DMD: variants seen among roughly 807,000 people sequenced by gnomAD.
DMD encodes mutant dystrophin.
Under a neutral mutation model 330.1 loss-of-function variants are expected in DMD, and 63 were observed. The ratio of observed to expected loss-of-function variants is 0.19; its 90% CI spans 0.16 to 0.24. The LOEUF (loss-of-function observed/expected upper bound fraction) is 0.24. Among genes scored for constraint, DMD ranks in the 10% least tolerant of loss-of-function variants. DMD has a pLI of 1.00. For synonymous variants in DMD, 1,223 were observed against 959.8 expected (o/e 1.27, Z -5.07); for missense variants, 3,344 against 2,684.1 (o/e 1.25, Z -5.43).
intron 44 of DMD, among the ~76,000 whole-genome samples, chrX:32,003,749 T>C (rs1015631805): frequency 1.8e-5 from 2 of 111,211 alleles, no homozygotes; most frequent in Admixed American, 1.9e-4. Flanking sequence ...TCCCCTAACA[T>C]AGTTGATAAA....
chrX:32,652,860 T>C (rs2060266248), intron 9 of DMD, among the ~76,000 whole-genome samples: 1 of 111,949 alleles, frequency 8.9e-6, no homozygotes, highest in African/African-American at 3.3e-5. Context: ...CCATTCTAAC[T>C]ATGTGCAATG....
intron 42 of DMD, among the ~76,000 whole-genome samples, chrX:32,299,196 C>T (rs970749494): frequency 9.1e-6 from 1 of 110,367 alleles, no homozygotes; most frequent in Non-Finnish European, 1.9e-5. Flanking sequence ...ATCGGTCCAG[C>T]TATGCTGAAC....
At chrX:32,827,709 G>A (rs2078838295) in intron 4 of DMD, among the ~76,000 whole-genome samples, 1 of 103,674 alleles carries the variant, frequency 9.6e-6, no homozygotes, top group African/African-American at 3.6e-5. Context: ...TGCCCAGACT[G>A]GAGTGCAGTG....
chrX:32,010,723 C>T (rs193286260), intron 44 of DMD, among the ~76,000 whole-genome samples: 52 of 111,895 alleles, frequency 4.6e-4, no homozygotes, highest in Middle Eastern at 4.6e-3. Context: ...ACTTGGGTAC[C>T]TCTTCCATGT....
intron 7 of DMD, among the ~76,000 whole-genome samples, chrX:32,735,496 C>T (rs1459421126): frequency 6.0e-4 from 67 of 111,530 alleles, no homozygotes; most frequent in Non-Finnish European, 1.1e-3. Context: ...GGAGGCATCA[C>T]ACTACCTGAC....
intron 11 of DMD, among the ~76,000 whole-genome samples, chrX:32,627,118 C>A (rs2058394161): frequency 1.0e-5 from 1 of 99,016 alleles, no homozygotes. Context: ...AATGAACATC[C>A]AGGGTTGAGA....
intron 30 of DMD, among the ~76,000 whole-genome samples, chrX:32,402,317 T>C (rs911620232): frequency 5.4e-5 from 6 of 111,704 alleles, no homozygotes; most frequent in African/African-American, 1.6e-4. Flanking sequence ...CTCTATTCAA[T>C]AGGGTTTTAA....
chrX:32,714,085 C>T (rs1030448508), intron 7 of DMD, among the ~76,000 whole-genome samples: 7 of 111,617 alleles, frequency 6.3e-5, no homozygotes, highest in African/African-American at 9.8e-5. Context: ...TTCTACTGAA[C>T]GCACACTGCT....
intron 44 of DMD, among the ~76,000 whole-genome samples, chrX:32,158,761 A>C (rs2096839040): frequency 8.9e-6 from 1 of 112,089 alleles, no homozygotes; most frequent in Non-Finnish European, 1.9e-5. Context: ...GTGAGAATGA[A>C]GATCACTTAC....
At chrX:32,024,682 A>G (rs1481264074) in intron 44 of DMD, among the ~76,000 whole-genome samples, 1 of 111,113 alleles carries the variant, frequency 9.0e-6, no homozygotes, top group Admixed American at 9.6e-5. Flanking sequence ...TAAGTATAAT[A>G]ATAAAACCTG....
chrX:32,896,946 T>C (rs369581859), intron 2 of DMD, among the ~76,000 whole-genome samples: 4 of 112,259 alleles, frequency 3.6e-5, no homozygotes, highest in African/African-American at 1.3e-4. Flanking sequence ...CAGGACAAAG[T>C]GTTTATAGCC....
At chrX:31,237,646 C>T (rs1214216215) in intron 63 of DMD, among the ~76,000 whole-genome samples, 4 of 112,384 alleles carry the variant, frequency 3.6e-5, no homozygotes, top group African/African-American at 1.3e-4. Context: ...TTCCTGTTTA[C>T]CCTCTGTGTA....
intron 11 of DMD, among the ~76,000 whole-genome samples, chrX:32,627,905 TA>T (rs2058458300): frequency 9.0e-6 from 1 of 110,845 alleles, no homozygotes; most frequent in African/African-American, 3.3e-5. Flanking sequence ...TTTAAATTTT[TA>T]TTTTTTTGGG....
intron 22 of DMD, among the ~76,000 whole-genome samples, chrX:32,470,842 CTA>C (rs1476579080): frequency 3.6e-4 from 40 of 112,112 alleles, no homozygotes; most frequent in African/African-American, 1.1e-3. Flanking sequence ...AAAAAAAATT[CTA>C]TGTGATAAAG....
At chrX:32,525,952 C>T (rs902516970) in intron 17 of DMD, among the ~76,000 whole-genome samples, 12 of 111,905 alleles carry the variant, frequency 1.1e-4, no homozygotes, top group Non-Finnish European at 2.1e-4. Context: ...TAAAATTACT[C>T]GTTTCTAATA....
At chrX:31,641,501 CAA>C (rs1048854739) in intron 54 of DMD, among the ~76,000 whole-genome samples, 58 of 33,595 alleles carry the variant, frequency 1.7e-3, no homozygotes, top group African/African-American at 5.3e-3. Flanking sequence ...GACTCCGTCT[CAA>C]AAAAAAAAAA....
intron 1 of DMD, among the ~76,000 whole-genome samples, chrX:33,306,296 T>G (rs2053761641): frequency 1.8e-5 from 2 of 111,863 alleles, no homozygotes; most frequent in South Asian, 7.4e-4. Context: ...TTAGACAAAT[T>G]TTTAATGCAT....
intron 60 of DMD, among the ~76,000 whole-genome samples, chrX:31,400,201 C>T (rs1377767207): frequency 9.0e-6 from 1 of 111,328 alleles, no homozygotes; most frequent in African/African-American, 3.3e-5. Flanking sequence ...AACCTGTCTC[C>T]CATTCTATTC....
intron 18 of DMD, chrX:32,517,083 T>A (rs1569565142): frequency 9.0e-6 from 1 of 111,631 alleles, no homozygotes; most frequent in Non-Finnish European, 1.9e-5. Flanking sequence ...AAACATTAGC[T>A]TGTAACTGAG....
Sources: gnomAD v4.1 joint callset for allele counts (sites outside exome capture counted in the v4.1 genomes callset) on GRCh38, gnomAD v4.1.1 for gene constraint, MANE v1.5 for transcripts, NCBI Gene and HGNC (gene_info 2026-07-23, HGNC 2026-07-21) for gene names.